GTF3C4: variants seen among roughly 807,000 people sequenced by gnomAD.
GTF3C4 encodes the protein general transcription factor 3C polypeptide 4.
Under a neutral mutation model 67.5 loss-of-function variants are expected in GTF3C4, and 28 were observed. That is an observed-to-expected ratio of 0.41 (90% CI 0.31 to 0.57). The LOEUF (loss-of-function observed/expected upper bound fraction) is 0.57. GTF3C4 is among the 20% of genes least tolerant of loss of function. The pLI is 0.21. For synonymous variants in GTF3C4, 409 were observed against 393.0 expected, an observed-to-expected ratio of 1.04 and a Z score of -0.48; for missense variants, 831 against 1,033.2, an observed-to-expected ratio of 0.80 and a Z score of 2.68.
Position 132,678,148 on chromosome 9 carries a change from A to G in GTF3C4, c.529A>G (p.Asn177Asp), listed in dbSNP as rs762433623. 3 of 1,614,194 alleles carry G rather than the reference A, an allele frequency of 1.9e-6. No homozygotes were observed. Among genetic ancestry groups the G allele is most frequent in the South Asian group, 2.2e-5 (2 of 91,086 alleles). The change falls in exon 2 of 5, where the codon AAT (asparagine) becomes GAT (aspartate). Residue 177 changes from asparagine to aspartate, a missense_variant. Physicochemically the swap from Asn to Asp is conservative, Grantham distance 23. Around this residue, in one of 4 missense-constraint regions of GTF3C4, gnomAD observed 390 missense variants for 540.3 expected, o/e 0.72. Transcript: ENST00000372146. This position sits in a 1 kb window ranked among gnomAD's most constrained non-coding sequence, Gnocchi z 6.5. ...TSWSPMGCDA[N>D]GRCLLAALTM... is the part of the protein sequence containing the mutation. ...CTGGTCTCCCATGGGTTGCGATGCT[A>G]ATGGCAGGTGCCTCTTGGCAGCACT...
chr9:132,690,293 A>G lies in GTF3C4; in HGVS notation c.*1348A>G, dbSNP rs917949038. 1 of 152,144 alleles carries G rather than the reference A, an allele frequency of 6.6e-6. No individual in the cohort carries two copies. Among genetic ancestry groups the G allele is most frequent in the Non-Finnish European group, 1.5e-5 (1 of 68,046 alleles). The allele number at this position is 152,144 out of a possible 1,614,324, so 9.4% of individuals were successfully genotyped here. ...ACTCCGTCTCTACTACAAATACAAAAGTTAGCCTGGCATGGTGGCGCATGC... is the reference window on the plus strand; with the variant it reads ...ACTCCGTCTCTACTACAAATACAAAGGTTAGCCTGGCATGGTGGCGCATGC... On this transcript the variant is annotated 3_prime_UTR_variant, in exon 5 of 5. Transcript: ENST00000372146.
chr9:132,670,801 A>G lies in GTF3C4; in HGVS notation c.203A>G (p.Glu68Gly). 1 of 1,601,220 alleles carries G rather than the reference A, an allele frequency of 6.2e-7. No homozygotes were observed. The highest frequency in any genetic ancestry group is 1.3e-5 in the African/African-American group (1 of 74,858). ...CTGCAGTATGCGGTGAGCGGCCTGG[A>G]ACCGCTGGCTTGGTCCGAGGACCAC... The part of the protein sequence containing the change: ...VKLQYAVSGL[E>G]PLAWSEDHRV... Residue 68 changes from glutamate (E) to glycine (G), a missense_variant, in exon 1 of 5, where the codon GAA becomes GGA. This residue lies in a region of GTF3C4 where 237 missense variants were observed against 212.7 expected (regional missense o/e 1.11). Coordinates refer to ENST00000372146, the MANE Select transcript of GTF3C4 (RefSeq NM_012204.4).
intron 4 of GTF3C4, among the ~76,000 whole-genome samples, chr9:132,687,725 T>G (rs984785822): frequency 6.6e-6 from 1 of 152,224 alleles, no homozygotes; most frequent in Admixed American, 6.5e-5. Flanking sequence ...GGATATTCAC[T>G]TGGAGTCATT....
rs750331281 is a variant in GTF3C4, at chr9:132,688,947, T to TAATC, written c.*4_*7dup. The TAATC allele has an allele frequency of 2.7e-5, 44 of 1,604,518 alleles. No homozygotes were observed. The Middle Eastern group carries it at 8.3e-4, about 30-fold the overall frequency. On this transcript the variant is annotated 3_prime_UTR_variant, in exon 5 of 5. Transcript: ENST00000372146. ...TTCTGTGATTCTCCTGTCTTCTAAA[T>TAATC]AATCAGTGACGGGAAGATGGAAGGG...
At position 132,678,448 on chromosome 9, in the gene GTF3C4, G is replaced by A. The variant is rs1293065225; in HGVS notation, c.829G>A (p.Ala277Thr). The change falls in exon 2 of 5, where the codon GCT becomes ACT. Residue 277 changes from alanine to threonine, a missense_variant. Around this residue, in one of 4 missense-constraint regions of GTF3C4, gnomAD observed 390 missense variants for 540.3 expected, o/e 0.72. Coordinates refer to ENST00000372146, the MANE Select transcript of GTF3C4 (RefSeq NM_012204.4). The surrounding 1 kb of genome is among the most constrained non-coding windows in gnomAD (Gnocchi z 6.5). The stretch of plus-strand genomic sequence containing the variant: ...CCGGGACGTTGGCAGTGTGCTCCTG[G>A]CTGTCCTCTTTGAAAACGGTAATAT... ...ECRDVGSVLL[A>T]VLFENGNIAV... 1.9e-6 allele frequency: 3 copies of A among 1,614,096 alleles called. No individual in the cohort carries two copies. The highest frequency in any genetic ancestry group is 2.5e-6 in the Non-Finnish European group (3 of 1,180,050).
Position 132,679,606 on chromosome 9 carries a change from G to C in GTF3C4, c.1987G>C (p.Glu663Gln). 6.2e-7 allele frequency: 1 copy of C among 1,614,130 alleles called. No homozygotes were observed. ...CACGACTGGAGATGCTGGAGGCCGTGAGCCAATGGAAGAGAAACTCCTGGA... is the reference window on the plus strand; with the variant it reads ...CACGACTGGAGATGCTGGAGGCCGTCAGCCAATGGAAGAGAAACTCCTGGA... ...LPTTGDAGGR[E>Q]PMEEKLLEIQ... is the part of the protein sequence containing the mutation. Residue 663 changes from glutamate (E) to glutamine (Q), a missense_variant, in exon 2 of 5, where the codon GAG becomes CAG. Around this residue, in one of 4 missense-constraint regions of GTF3C4, gnomAD observed 129 missense variants for 213.8 expected, o/e 0.60. Transcript: ENST00000372146. The surrounding 1 kb of genome is among the most constrained non-coding windows in gnomAD (Gnocchi z 5.9).
At position 132,679,015 on chromosome 9, in the gene GTF3C4, A is replaced by G; in HGVS notation, c.1396A>G (p.Ile466Val). The G allele has an allele frequency of 1.2e-6, 2 of 1,614,176 alleles. No individual in the cohort carries two copies. Among genetic ancestry groups the G allele is most frequent in the Non-Finnish European group, 1.7e-6 (2 of 1,180,016 alleles). The stretch of plus-strand genomic sequence containing the variant: ...TGCATTGAAGTTTGAACACCAGTTG[A>G]TTAAACTCTCAGATGTGTTTGGCTC... Reference protein sequence around the residue: ...DVALKFEHQLIKLSDVFGSVR... With the variant: ...DVALKFEHQLVKLSDVFGSVR... The change falls in exon 2 of 5, where the codon ATT (isoleucine) becomes GTT (valine). Residue 466 changes from isoleucine (I) to valine (V), a missense_variant. Ile to Val is a conservative substitution (Grantham distance 29). Around this residue, in one of 4 missense-constraint regions of GTF3C4, gnomAD observed 390 missense variants for 540.3 expected, o/e 0.72. Transcript: ENST00000372146. This position sits in a 1 kb window ranked among gnomAD's most constrained non-coding sequence, Gnocchi z 5.9.
In GTF3C4 at chr9:132,670,521, G is replaced by A; in HGVS notation, c.-78G>A. 1.7e-6 allele frequency: 2 copies of A among 1,164,754 alleles called. No homozygotes were observed. The allele number at this position is 1,164,754 out of a possible 1,614,324, so 72.2% of individuals were successfully genotyped here. A position where few individuals can be genotyped will look rare whatever the true frequency, so the allele number is the denominator to read the frequency against. On this transcript the variant is annotated 5_prime_UTR_variant, in exon 1 of 5. Coordinates refer to ENST00000372146, the MANE Select transcript of GTF3C4 (RefSeq NM_012204.4). The stretch of plus-strand genomic sequence containing the variant: ...GAAAACCGCCGCGGAGGGCGCTGGG[G>A]GTGGCGGCGGCGGTCCGGGAGGTGG...
At chr9:132,670,115 A>G (rs1835652933), upstream of GTF3C4, 1 of 1,577,890 alleles carries the variant, frequency 6.3e-7, no homozygotes. Context: ...GGGTAGGGAC[A>G]AGACTACCGC....
Position 132,692,527 on chromosome 9 carries a change from T to C in GTF3C4, c.*3582T>C, listed in dbSNP as rs984732505. The C allele has an allele frequency of 6.6e-6, 1 of 152,152 alleles. No individual in the cohort carries two copies. The highest frequency in any genetic ancestry group is 6.6e-5 in the Admixed American group (1 of 15,266). The allele number at this position is 152,152 out of a possible 1,614,324, so 9.4% of individuals were successfully genotyped here. On this transcript the variant is annotated 3_prime_UTR_variant, in exon 5 of 5. Transcript: ENST00000372146. ...AAAATTATGGTTAAGCTAAGCTGAATGGGTTATATTCAAAGTAAGTACAGA... is the reference window on the plus strand; with the variant it reads ...AAAATTATGGTTAAGCTAAGCTGAACGGGTTATATTCAAAGTAAGTACAGA...
Position 132,670,673 on chromosome 9 carries a change from G to T in GTF3C4, c.75G>T (p.Glu25Asp). The T allele has an allele frequency of 6.6e-7, 1 of 1,508,152 alleles. No homozygotes were observed. The highest frequency in any genetic ancestry group is 8.8e-7 in the Non-Finnish European group (1 of 1,136,226). The allele number at this position is 1,508,152 out of a possible 1,614,324, so 93.4% of individuals were successfully genotyped here. ...CGCCGTCTGGGGAGGAGGAGGGAGA[G>T]GGGGGCGGCGAGGCGGGCGGGAAGG... ...GPAPSGEEEG[E>D]GGGEAGGKEP... Residue 25 changes from glutamate to aspartate, a missense_variant, in exon 1 of 5, where the codon GAG (glutamate) becomes GAT (aspartate). This residue lies in a region of GTF3C4 where 237 missense variants were observed against 212.7 expected (regional missense o/e 1.11). Coordinates refer to ENST00000372146, the MANE Select transcript of GTF3C4 (RefSeq NM_012204.4).
In GTF3C4 at chr9:132,689,566, A is replaced by AATG. The variant is rs1836082388; in HGVS notation, c.*622_*624dup. The AATG allele has an allele frequency of 6.5e-6, 1 of 152,752 alleles. No individual in the cohort carries two copies. Among genetic ancestry groups the AATG allele is most frequent in the African/African-American group, 2.4e-5 (1 of 41,434 alleles). 9.5% of individuals were successfully genotyped at this position (152,752 alleles called of 1,614,324 possible). On this transcript the variant is annotated 3_prime_UTR_variant, in exon 5 of 5. Transcript: ENST00000372146. ...TAAGTTGAAGCCAAGACTAAAATTT[A>AATG]ATGTGTCAAATGATCTGGTGACTAT...
intron 1 of GTF3C4, among the ~76,000 whole-genome samples, chr9:132,672,345 G>GT (rs897378692): frequency 6.6e-6 from 1 of 152,174 alleles, no homozygotes; most frequent in African/African-American, 2.4e-5. Context: ...GGAGGGAGTA[G>GT]TAAGGGGAGA....
At chr9:132,688,764 GT>G in intron 4 of GTF3C4, 116 bp from the exon 5 acceptor site, 1 of 766,078 alleles carries the variant, frequency 1.3e-6, no homozygotes, top group East Asian at 2.5e-5. Flanking sequence ...TATGTAGCTG[GT>G]TTATTGCAGA....
Position 132,679,810 on chromosome 9 carries a change from G to A in GTF3C4, c.2184+7G>A, listed in dbSNP as rs1564356189. The A allele has an allele frequency of 2.6e-6, 4 of 1,555,724 alleles. No individual in the cohort carries two copies. Among genetic ancestry groups the A allele is most frequent in the African/African-American group, 1.4e-5 (1 of 72,644 alleles). On this transcript the variant is annotated splice_region_variant and intron_variant, in intron 2 of 4. Coordinates refer to ENST00000372146, the MANE Select transcript of GTF3C4 (RefSeq NM_012204.4). This position sits in a 1 kb window ranked among gnomAD's most constrained non-coding sequence, Gnocchi z 5.9. ...TGATGACAGAACTGCACGGGTAGGTGTTTATTAACAAAAACTCTGAAATTG... is the reference window on the plus strand; with the variant it reads ...TGATGACAGAACTGCACGGGTAGGTATTTATTAACAAAAACTCTGAAATTG...
rs1276474769 is a variant in GTF3C4, at chr9:132,670,527, G to C, written c.-72G>C. Reference sequence around the variant, plus strand: ...CGCCGCGGAGGGCGCTGGGGGTGGCGGCGGCGGTCCGGGAGGTGGTCGCGC... The same window carrying C: ...CGCCGCGGAGGGCGCTGGGGGTGGCCGCGGCGGTCCGGGAGGTGGTCGCGC... On this transcript the variant is annotated 5_prime_UTR_variant, in exon 1 of 5. Transcript: ENST00000372146. The C allele has an allele frequency of 1.7e-6, 2 of 1,195,598 alleles. No homozygotes were observed. The highest frequency in any genetic ancestry group is 1.9e-5 in the South Asian group (1 of 53,720). 74.1% of individuals were successfully genotyped at this position (1,195,598 alleles called of 1,614,324 possible).
chr9:132,688,981 A>G lies in GTF3C4; in HGVS notation c.*36A>G, dbSNP rs376535086. On this transcript the variant is annotated 3_prime_UTR_variant, in exon 5 of 5. Coordinates refer to ENST00000372146, the MANE Select transcript of GTF3C4 (RefSeq NM_012204.4). ...ACGGGAAGATGGAAGGGCATGATGA[A>G]CTCTGCCATAGAAAACTTCCTCCAG... 1.9e-5 allele frequency: 29 copies of G among 1,488,810 alleles called. No individual in the cohort carries two copies. The highest frequency in any genetic ancestry group is 2.7e-5 in the Non-Finnish European group (29 of 1,068,160). 92.2% of individuals were successfully genotyped at this position (1,488,810 alleles called of 1,614,324 possible).
chr9:132,679,810 GTTTA>G lies in GTF3C4; in HGVS notation c.2184+10_2184+13del, dbSNP rs933690025. The G allele has an allele frequency of 1.9e-6, 3 of 1,555,724 alleles. No individual in the cohort carries two copies. The highest frequency in any genetic ancestry group is 2.6e-6 in the Non-Finnish European group (3 of 1,148,172). On this transcript the variant is annotated splice_region_variant and intron_variant, in intron 2 of 4. Transcript: ENST00000372146. The surrounding 1 kb of genome is among the most constrained non-coding windows in gnomAD (Gnocchi z 5.9). ...TGATGACAGAACTGCACGGGTAGGT[GTTTA>G]TTAACAAAAACTCTGAAATTGTAAA...
Position 132,689,776 on chromosome 9 carries a change from C to G in GTF3C4, c.*831C>G, listed in dbSNP as rs748396374. 1 of 152,134 alleles carries G rather than the reference C, an allele frequency of 6.6e-6. No homozygotes were observed. The highest frequency in any genetic ancestry group is 1.9e-4 in the East Asian group (1 of 5,196). The allele number at this position is 152,134 out of a possible 1,614,324, so 9.4% of individuals were successfully genotyped here. A position where few individuals can be genotyped will look rare whatever the true frequency, so the allele number is the denominator to read the frequency against. ...ACAGAGGAAAAAAAGATATTTTCCTCTTTTAGTAATAAGACTTTCAGTATT... is the reference window on the plus strand; with the variant it reads ...ACAGAGGAAAAAAAGATATTTTCCTGTTTTAGTAATAAGACTTTCAGTATT... On this transcript the variant is annotated 3_prime_UTR_variant, in exon 5 of 5. Transcript: ENST00000372146.
Sources: gnomAD v4.1 joint callset for allele counts (sites outside exome capture counted in the v4.1 genomes callset) on GRCh38, gnomAD v4.1.1 for gene constraint, gnomAD v4.1.1 regional missense constraint, Gnocchi (gnomAD v3.1) non-coding constraint, MANE v1.5 for transcripts, NCBI Gene and HGNC (gene_info 2026-07-23, HGNC 2026-07-21) for gene names.